RUNX1: variants seen among roughly 807,000 people sequenced by gnomAD.
RUNX1 encodes RUNX family transcription factor 1.
RUNX1 carries 19 observed loss-of-function variants against 42.8 expected under a neutral mutation model. The observed-to-expected ratio is 0.44, with a 90% CI of 0.31 to 0.65. RUNX1 has a LOEUF of 0.65. Ranked by LOEUF, RUNX1 falls within the 30% of genes least tolerant of loss-of-function variation. The pLI is 0.07. For synonymous variants in RUNX1, 271 were observed against 289.4 expected (o/e 0.94, Z 0.64); for missense variants, 528 against 672.0 (o/e 0.79, Z 2.37).
At chr21:34,858,627 C>T (rs1468984134) in intron 6 of RUNX1, among the ~76,000 whole-genome samples, 2 of 152,164 alleles carry the variant, frequency 1.3e-5, no homozygotes, top group Non-Finnish European at 2.9e-5. Context: ...TTTTCAATAT[C>T]CCTCACTCCA....
chr21:34,865,397 G>A (rs953941007), intron 5 of RUNX1, among the ~76,000 whole-genome samples: 16 of 151,544 alleles, frequency 1.1e-4, no homozygotes, highest in Admixed American at 2.6e-4. Context: ...CTCCTGCCCC[G>A]CCAGCTGGCG....
chr21:34,983,490 A>G (rs2058862343), intron 2 of RUNX1, among the ~76,000 whole-genome samples: 1 of 152,240 alleles, frequency 6.6e-6, no homozygotes, highest in African/African-American at 2.4e-5. Context: ...ATCTAACAGC[A>G]TGTTCTAAAT....
intron 2 of RUNX1, among the ~76,000 whole-genome samples, chr21:35,032,804 G>A (rs370567849): frequency 1.8e-4 from 27 of 152,310 alleles, no homozygotes; most frequent in African/African-American, 5.3e-4. Context: ...AGGAATTAAG[G>A]GGAACCAAGT....
At chr21:34,985,177 T>G (rs1370609213) in intron 2 of RUNX1, among the ~76,000 whole-genome samples, 1 of 152,128 alleles carries the variant, frequency 6.6e-6, no homozygotes, top group Non-Finnish European at 1.5e-5. Context: ...CATTGAAAGG[T>G]ACAGTAATTT....
intron 6 of RUNX1, 71 bp downstream of exon 6, chr21:34,859,403 G>A (rs2057539345): frequency 8.5e-7 from 1 of 1,177,496 alleles, no homozygotes; most frequent in Non-Finnish European, 1.3e-6. Flanking sequence ...CTGAGACATG[G>A]TCCCTGAGTA....
intron 2 of RUNX1, among the ~76,000 whole-genome samples, chr21:34,994,587 C>T (rs1378722551): frequency 1.3e-5 from 2 of 152,028 alleles, no homozygotes; most frequent in African/African-American, 2.4e-5. Context: ...AGCTCCACAG[C>T]TGTGCACCTG....
At chr21:34,797,949 T>C (rs1010710406) in intron 8 of RUNX1, 19 of 448,390 alleles carry the variant, frequency 4.2e-5, no homozygotes, top group African/African-American at 3.4e-4. Context: ...TATTCTCCGA[T>C]GCTCAGGACA....
intron 5 of RUNX1, among the ~76,000 whole-genome samples, chr21:34,870,699 C>G (rs1388313391): frequency 6.6e-6 from 1 of 152,236 alleles, no homozygotes; most frequent in East Asian, 1.9e-4. Flanking sequence ...GTGGCTCATG[C>G]CTGTAATCCC....
At chr21:35,048,457 C>T (rs1026540374) in intron 2 of RUNX1, among the ~76,000 whole-genome samples, 1 of 152,180 alleles carries the variant, frequency 6.6e-6, no homozygotes, top group Non-Finnish European at 1.5e-5. Context: ...ACACAGCATG[C>T]CGAGTTAAGG....
rs199564487 is a variant in RUNX1 at position 34,891,705 on chromosome 21, A to AT, written c.97+1219dup. Among the ~76,000 whole-genome samples the AT allele has an allele frequency of 8.9e-3, 1,116 of 126,028 alleles. 20 individuals are homozygous for AT. Among genetic ancestry groups the AT allele is most frequent in the African/African-American group, 0.026 (801 of 31,090 alleles). The allele number at this position is 126,028 out of a possible 152,430, so 82.7% of individuals were successfully genotyped here. On this transcript the variant is annotated intron_variant, in intron 3 of 8. Transcript: ENST00000675419. ...GAATTTACTTTTGTCATAATGCAAA[A>AT]TTAAAAAAAAAAAAAATACAACGAA...
At chr21:34,992,258 G>A (rs901852714) in intron 2 of RUNX1, among the ~76,000 whole-genome samples, 11 of 152,274 alleles carry the variant, frequency 7.2e-5, no homozygotes, top group African/African-American at 2.6e-4. Flanking sequence ...TGGATGTAGT[G>A]GGGGACTCCC....
At chr21:34,914,066 G>A (rs1569102016) in intron 2 of RUNX1, among the ~76,000 whole-genome samples, 1 of 152,136 alleles carries the variant, frequency 6.6e-6, no homozygotes. Context: ...AGGCTATGCC[G>A]AGGGAATTCT....
At chr21:34,810,194 C>A (rs1436213668) in intron 7 of RUNX1, among the ~76,000 whole-genome samples, 1 of 152,242 alleles carries the variant, frequency 6.6e-6, no homozygotes, top group Non-Finnish European at 1.5e-5. Flanking sequence ...TACTTTGGCA[C>A]TTTTTTGATG....
At chr21:34,930,756 C>G (rs947371551) in intron 2 of RUNX1, among the ~76,000 whole-genome samples, 14 of 151,568 alleles carry the variant, frequency 9.2e-5, no homozygotes, top group African/African-American at 2.9e-4. Flanking sequence ...CCACCCAATT[C>G]CTTTCAGAGA....
At chr21:34,933,309 A>AG (rs1229663500) in intron 2 of RUNX1, among the ~76,000 whole-genome samples, 1 of 152,218 alleles carries the variant, frequency 6.6e-6, no homozygotes, top group African/African-American at 2.4e-5. Context: ...GTAGCCCCTC[A>AG]GGTAGAAGCC....
intron 2 of RUNX1, among the ~76,000 whole-genome samples, chr21:34,955,355 C>T (rs1374851154): frequency 6.6e-6 from 1 of 152,016 alleles, no homozygotes; most frequent in Non-Finnish European, 1.5e-5. Context: ...CTATATCTGG[C>T]CCATGGTAAG....
chr21:34,828,857 A>T (rs2057025921), intron 7 of RUNX1, among the ~76,000 whole-genome samples: 1 of 152,220 alleles, frequency 6.6e-6, no homozygotes, highest in Non-Finnish European at 1.5e-5. Flanking sequence ...CCCAGCCTCC[A>T]TAGCCATGAG....
intron 7 of RUNX1, among the ~76,000 whole-genome samples, chr21:34,818,805 T>C (rs1445521516): frequency 6.6e-6 from 1 of 152,250 alleles, no homozygotes; most frequent in African/African-American, 2.4e-5. Flanking sequence ...GAGACTCTTT[T>C]TCTGTAATAT....
chr21:34,852,241 C>CA (rs2057432472), intron 6 of RUNX1, among the ~76,000 whole-genome samples: 1 of 152,094 alleles, frequency 6.6e-6, no homozygotes, highest in Non-Finnish European at 1.5e-5. Flanking sequence ...CTGTATAAGA[C>CA]AGGAAAAGTT....
Sources: allele counts gnomAD v4.1 joint callset (sites outside exome capture counted in the v4.1 genomes callset), GRCh38; gene constraint gnomAD v4.1.1; transcripts MANE v1.5; gene names NCBI Gene and HGNC (gene_info 2026-07-23, HGNC 2026-07-21).